The following ARB2A variants were observed in gnomAD, a reference collection of about 807,000 sequenced individuals.
ARB2A encodes cotranscriptional regulator ARB2A.
the ARB2A span, among the ~76,000 whole-genome samples, chr5:93,658,405 C>G: frequency 6.6e-6 from 1 of 152,012 alleles, no homozygotes; most frequent in East Asian, 1.9e-4. Flanking sequence ...TTTTACTGAT[C>G]ATTGATATAA....
At chr5:93,708,665 G>C in the ARB2A span, among the ~76,000 whole-genome samples, 3 of 152,124 alleles carry the variant, frequency 2.0e-5, no homozygotes, top group Non-Finnish European at 4.4e-5. Context: ...ACCTCCTGCT[G>C]TGTGACCCAG....
the ARB2A span, among the ~76,000 whole-genome samples, chr5:93,995,293 A>G: frequency 8.9e-4 from 135 of 152,352 alleles, no homozygotes; most frequent in African/African-American, 3.2e-3. Context: ...TAAACTTCGT[A>G]TCACAGTAAA....
At chr5:93,894,409 TA>T in the ARB2A span, among the ~76,000 whole-genome samples, 5,681 of 148,452 alleles carry the variant, frequency 0.038, 176 homozygotes, top group East Asian at 0.16. Flanking sequence ...TTTTTAATAT[TA>T]AAAAAAAAAG....
chr5:93,989,582 C>T, the ARB2A span, among the ~76,000 whole-genome samples: 22 of 152,128 alleles, frequency 1.4e-4, no homozygotes, highest in Non-Finnish European at 2.6e-4. Context: ...CCACAATATT[C>T]TTTGCCCTGT....
chr5:93,972,739 C>T, the ARB2A span, among the ~76,000 whole-genome samples: 3 of 152,102 alleles, frequency 2.0e-5, no homozygotes, highest in South Asian at 6.2e-4. Context: ...GACATAGCTG[C>T]TATATTAAGA....
chr5:93,682,944 A>G, the ARB2A span: 34 of 1,581,740 alleles, frequency 2.1e-5, no homozygotes, highest in Non-Finnish European at 2.8e-5. Flanking sequence ...TTGGGAAGAG[A>G]ACCACCTTTT....
At chr5:94,026,101 G>A in the ARB2A span, among the ~76,000 whole-genome samples, 1 of 152,164 alleles carries the variant, frequency 6.6e-6, no homozygotes, top group Non-Finnish European at 1.5e-5. Context: ...AGGCAGGGGT[G>A]ACCACAATGC....
At chr5:93,698,435 A>G in the ARB2A span, among the ~76,000 whole-genome samples, 2 of 152,202 alleles carry the variant, frequency 1.3e-5, no homozygotes, top group Non-Finnish European at 2.9e-5. Context: ...AGACTGCCAT[A>G]AATGCCATAT....
At chr5:94,100,097 A>C in the ARB2A span, among the ~76,000 whole-genome samples, 1 of 152,236 alleles carries the variant, frequency 6.6e-6, no homozygotes, top group South Asian at 2.1e-4. Flanking sequence ...AAGTTGCAGC[A>C]TACAAAATCA....
chr5:93,824,319 TAGCA>T, the ARB2A span: 1 of 1,320,286 alleles, frequency 7.6e-7, no homozygotes, highest in Non-Finnish European at 1.0e-6. Flanking sequence ...ATTATTATCA[TAGCA>T]AACAACAATT....
At chr5:93,996,745 AC>A in the ARB2A span, among the ~76,000 whole-genome samples, 1 of 152,076 alleles carries the variant, frequency 6.6e-6, no homozygotes, top group Non-Finnish European at 1.5e-5. Flanking sequence ...ATTTACCAAA[AC>A]ATAAATTTGT....
chr5:93,879,505 AAG>A, the ARB2A span, among the ~76,000 whole-genome samples: 105,966 of 151,440 alleles, frequency 0.7, 39,119 homozygotes, highest in South Asian at 0.85. Flanking sequence ...AGGAGTCTAA[AAG>A]AGAGAAAATA....
the ARB2A span, among the ~76,000 whole-genome samples, chr5:93,910,205 G>T: frequency 6.6e-6 from 1 of 150,756 alleles, no homozygotes; most frequent in Non-Finnish European, 1.5e-5. Flanking sequence ...TACATGTACT[G>T]ATATACTTAT....
the ARB2A span, among the ~76,000 whole-genome samples, chr5:93,933,856 A>C: frequency 6.6e-6 from 1 of 152,230 alleles, no homozygotes; most frequent in Admixed American, 6.5e-5. Context: ...AAATATAAAA[A>C]TTAGCCAGGA....
At chr5:94,026,084 G>A in the ARB2A span, among the ~76,000 whole-genome samples, 1 of 152,148 alleles carries the variant, frequency 6.6e-6, no homozygotes, top group East Asian at 1.9e-4. Context: ...GGAATGCAGT[G>A]GTGTCCAGGC....
the ARB2A span, among the ~76,000 whole-genome samples, chr5:93,825,579 T>A: frequency 6.6e-6 from 1 of 152,204 alleles, no homozygotes; most frequent in African/African-American, 2.4e-5. Context: ...TGTCCTGTAT[T>A]TCTTAGTGCC....
the ARB2A span, among the ~76,000 whole-genome samples, chr5:93,875,981 A>G: frequency 8.5e-5 from 13 of 152,304 alleles, no homozygotes; most frequent in African/African-American, 3.1e-4. Flanking sequence ...TAGCCATTTG[A>G]CTTAGTTCTC....
the ARB2A span, among the ~76,000 whole-genome samples, chr5:93,827,789 G>A: frequency 2.0e-5 from 3 of 151,568 alleles, no homozygotes; most frequent in African/African-American, 7.3e-5. Flanking sequence ...TGTAAGGAAG[G>A]GATCCAGTTT....
chr5:93,619,974 A>G, the ARB2A span: 1 of 152,208 alleles, frequency 6.6e-6, no homozygotes. Flanking sequence ...CCTGATGACA[A>G]TAAAAAAATT....
Sources: allele counts gnomAD v4.1 joint callset (sites outside exome capture counted in the v4.1 genomes callset), GRCh38; gene constraint gnomAD v4.1.1; transcripts MANE v1.5; gene names NCBI Gene and HGNC (gene_info 2026-07-23, HGNC 2026-07-21).